Variants in BBS12 observed in about 807,000 individuals in gnomAD.
BBS12 encodes chaperonin-containing T-complex member BBS12.
BBS12 carries 5 observed loss-of-function variants against 5.6 expected under a neutral mutation model. The ratio of observed to expected loss-of-function variants is 0.89; its 90% confidence interval spans 0.46 to 1.86. BBS12 has a LOEUF of 1.86. Among genes scored for constraint, BBS12 ranks in the 40% most tolerant of loss-of-function variants. The probability of loss-of-function intolerance (pLI) is 0.01; values close to 1 mark genes in which losing one functional copy is unlikely to be tolerated. For missense variants in BBS12, 748 were observed against 830.4 expected (o/e 0.90, Z 1.22); for synonymous variants, 308 against 306.8 (o/e 1.00, Z -0.04).
rs1018236637 is a variant in BBS12 at position 122,732,757 on chromosome 4, A to G, written c.-138A>G. 3.9e-5 allele frequency: 6 copies of G among 152,368 alleles called. No individual in the cohort carries two copies. The highest frequency in any genetic ancestry group is 5.9e-5 in the Non-Finnish European group (4 of 68,180). 9.4% of individuals were successfully genotyped at this position (152,368 alleles called of 1,614,324 possible). A position where few individuals can be genotyped will look rare whatever the true frequency, so the allele number is the denominator to read the frequency against. ...CAGAAGCCCCTCTTCGCACATGCGC[A>G]AACTGCGGACGGGGAACTGGGCTCC... On this transcript the variant is annotated 5_prime_UTR_variant, in exon 1 of 2. Transcript: ENST00000314218.
At chr4:122,711,967 A>ACATAAGG in the BBS12 span, among the ~76,000 whole-genome samples, 6 of 152,216 alleles carry the variant, frequency 3.9e-5, no homozygotes, top group African/African-American at 1.4e-4. Context: ...GAGAAGAAAC[A>ACATAAGG]CATAAGGCAA....
chr4:122,743,062 C>T lies in BBS12; in HGVS notation c.1170C>T (p.Asp390=). ...TVLDSMRLQE[D]SSEELWANHV... ...TAGATAGCATGCGGCTTCAAGAAGACAGCTCAGAAGAACTGTGGGCAAATC... is the reference window on the plus strand; with the variant it reads ...TAGATAGCATGCGGCTTCAAGAAGATAGCTCAGAAGAACTGTGGGCAAATC... The change falls in exon 2 of 2, where the codon GAC becomes GAT. Residue 390 remains aspartate (D), a synonymous_variant. Coordinates refer to ENST00000314218, the MANE Select transcript of BBS12 (RefSeq NM_152618.3). 1 of 1,614,248 alleles carries T rather than the reference C, an allele frequency of 6.2e-7. No individual in the cohort carries two copies. Among genetic ancestry groups the T allele is most frequent in the Non-Finnish European group, 8.5e-7 (1 of 1,180,034 alleles).
At chr4:122,719,889 GA>G in the BBS12 span, among the ~76,000 whole-genome samples, 1 of 152,158 alleles carries the variant, frequency 6.6e-6, no homozygotes, top group African/African-American at 2.4e-5. Flanking sequence ...GGACAAATCT[GA>G]AAGAGGAAAA....
rs1413850573 is a variant in BBS12, at chr4:122,732,784, T to C, written c.-111T>C. The C allele has an allele frequency of 1.3e-5, 2 of 152,378 alleles. No homozygotes were observed. The highest frequency in any genetic ancestry group is 1.9e-4 in the East Asian group (1 of 5,196). 9.4% of individuals were successfully genotyped at this position (152,378 alleles called of 1,614,324 possible). On this transcript the variant is annotated 5_prime_UTR_variant, in exon 1 of 2. It removes the in-frame stop codon of an upstream open reading frame in the 5' UTR. Coordinates refer to ENST00000314218, the MANE Select transcript of BBS12 (RefSeq NM_152618.3). Reference sequence around the variant, plus strand: ...ACTGCGGACGGGGAACTGGGCTCCCTAGCCCTGGCGTTTTTGGTGTTGCTG... The same window carrying C: ...ACTGCGGACGGGGAACTGGGCTCCCCAGCCCTGGCGTTTTTGGTGTTGCTG...
chr4:122,702,314 A>G, the BBS12 span, among the ~76,000 whole-genome samples: 4 of 152,202 alleles, frequency 2.6e-5, no homozygotes, highest in African/African-American at 9.7e-5. Flanking sequence ...TATCATCATA[A>G]TGGGGATTTG....
At chr4:122,705,122 C>T in the BBS12 span, among the ~76,000 whole-genome samples, 1 of 152,188 alleles carries the variant, frequency 6.6e-6, no homozygotes, top group Non-Finnish European at 1.5e-5. Flanking sequence ...TCAGCCTAAG[C>T]ACAAGAATGA....
chr4:122,706,347 C>A, the BBS12 span, among the ~76,000 whole-genome samples: 1 of 152,160 alleles, frequency 6.6e-6, no homozygotes, highest in South Asian at 2.1e-4. Context: ...TACTGAAAAT[C>A]CTTTATTCAG....
chr4:122,721,982 C>G, the BBS12 span, among the ~76,000 whole-genome samples: 1 of 152,106 alleles, frequency 6.6e-6, no homozygotes, highest in African/African-American at 2.4e-5. Flanking sequence ...ATCAAATTCT[C>G]TGACAACAAT....
the BBS12 span, among the ~76,000 whole-genome samples, chr4:122,713,534 T>A: frequency 6.6e-6 from 1 of 152,192 alleles, no homozygotes; most frequent in African/African-American, 2.4e-5. Context: ...AAATTACATA[T>A]TTGGTATTTT....
At position 122,743,141 on chromosome 4, in the gene BBS12, A is replaced by G; in HGVS notation, c.1249A>G (p.Asn417Asp). 6.2e-7 allele frequency: 1 copy of G among 1,614,246 alleles called. No homozygotes were observed. The highest frequency in any genetic ancestry group is 8.5e-7 in the Non-Finnish European group (1 of 1,180,038). The change falls in exon 2 of 2, where the codon AAT becomes GAT. Residue 417 changes from asparagine to aspartate, a missense_variant. Physicochemically the swap from Asn to Asp is conservative, Grantham distance 23 (BLOSUM62 1). Coordinates refer to ENST00000314218, the MANE Select transcript of BBS12 (RefSeq NM_152618.3). ...GGTGAACCTTGTCCTGGTACAAGGAAATGTGTCCGAACGCTTAATTGAAAA... is the reference window on the plus strand; with the variant it reads ...GGTGAACCTTGTCCTGGTACAAGGAGATGTGTCCGAACGCTTAATTGAAAA... ...FKVNLVLVQG[N>D]VSERLIEKCI...
Position 122,743,494 on chromosome 4 carries a change from G to T in BBS12, c.1602G>T (p.Lys534Asn). The part of the protein sequence containing the change: ...YRLYYALKEE[K>N]VFLGGGAVEF... ...TGTATTATGCTCTAAAAGAGGAAAA[G>T]GTCTTCCTTGGAGGTGGTGCAGTTG... Residue 534 changes from lysine to asparagine, a missense_variant, in exon 2 of 2, where the codon AAG becomes AAT. Lys to Asn is a moderately conservative substitution (Grantham distance 94). Coordinates refer to ENST00000314218, the MANE Select transcript of BBS12 (RefSeq NM_152618.3). 1 of 1,614,220 alleles carries T rather than the reference G, an allele frequency of 6.2e-7. No individual in the cohort carries two copies. The highest frequency in any genetic ancestry group is 2.2e-5 in the East Asian group (1 of 44,890).
At chr4:122,728,732 CAAAT>C (rs1023494450), upstream of BBS12, 5 of 152,202 alleles carry the variant, frequency 3.3e-5, no homozygotes, top group Non-Finnish European at 5.9e-5. Context: ...TAGTTTCAAT[CAAAT>C]AAAACCTCTT....
At chr4:122,708,272 C>A in the BBS12 span, among the ~76,000 whole-genome samples, 57,116 of 151,890 alleles carry the variant, frequency 0.38, 11,130 homozygotes, top group East Asian at 0.65. Context: ...CAGCAAGATA[C>A]CCCTTTCTTT....
the BBS12 span, among the ~76,000 whole-genome samples, chr4:122,700,836 T>C: frequency 6.6e-6 from 1 of 152,222 alleles, no homozygotes; most frequent in African/African-American, 2.4e-5. Flanking sequence ...GCTTATAAGT[T>C]ATGTAATTTG....
rs1300479807 is a variant in BBS12, at chr4:122,742,979, C to T, written c.1087C>T (p.Leu363Phe). Residue 363 changes from leucine (L) to phenylalanine (F), a missense_variant, in exon 2 of 2, where the codon CTC becomes TTC. Leu to Phe is a conservative substitution (Grantham distance 22). Coordinates refer to ENST00000314218, the MANE Select transcript of BBS12 (RefSeq NM_152618.3). ...GCGAATAGTTCTCATTGAGGGTGAC[C>T]TCACAGAGAATTACCGCCACCTGGG... ...PVRIVLIEGD[L>F]TENYRHLGFN... 1 of 1,614,128 alleles carries T rather than the reference C, an allele frequency of 6.2e-7. No homozygotes were observed. The highest frequency in any genetic ancestry group is 1.1e-5 in the South Asian group (1 of 91,076).
upstream of BBS12, among the ~76,000 whole-genome samples, chr4:122,728,380 T>C (rs1800652053): frequency 6.6e-6 from 1 of 152,218 alleles, no homozygotes; most frequent in Non-Finnish European, 1.5e-5. Context: ...GTTATGTAAC[T>C]ATTTCTCAAA....
the BBS12 span, among the ~76,000 whole-genome samples, chr4:122,721,511 A>G: frequency 6.6e-6 from 1 of 152,212 alleles, no homozygotes; most frequent in Non-Finnish European, 1.5e-5. Context: ...CAATCACAGC[A>G]TTTATTTTAT....
At chr4:122,715,289 A>G in the BBS12 span, among the ~76,000 whole-genome samples, 9 of 149,596 alleles carry the variant, frequency 6.0e-5, no homozygotes, top group Non-Finnish European at 5.9e-5. Context: ...CTCATCCATC[A>G]CTTTCACCAT....
the BBS12 span, among the ~76,000 whole-genome samples, chr4:122,715,119 C>T: frequency 6.6e-6 from 1 of 151,516 alleles, no homozygotes; most frequent in African/African-American, 2.4e-5. Context: ...TCATACTACA[C>T]AGTTGGAGGC....
Sources: gnomAD v4.1 joint callset for allele counts (sites outside exome capture counted in the v4.1 genomes callset) on GRCh38, gnomAD v4.1.1 for gene constraint, MANE v1.5 for transcripts, NCBI Gene and HGNC (gene_info 2026-07-23, HGNC 2026-07-21) for gene names.